Variants in CNTNAP2 observed in about 807,000 individuals in gnomAD.
The protein encoded by CNTNAP2 is contactin associated protein 2.
CNTNAP2 carries 98 observed loss-of-function variants against 155.2 expected under a neutral mutation model. That is an observed-to-expected ratio of 0.63 (90% CI 0.54 to 0.75). CNTNAP2 has a LOEUF of 0.75. Ranked by LOEUF, CNTNAP2 falls within the 30% of genes least tolerant of loss-of-function variation. The probability of loss-of-function intolerance (pLI) is 0.00; values close to 1 mark genes in which losing one functional copy is unlikely to be tolerated. For missense variants in CNTNAP2, 1,727 were observed against 1,688.1 expected, an observed-to-expected ratio of 1.02 and a Z score of -0.40; for synonymous variants, 651 against 631.2, an observed-to-expected ratio of 1.03 and a Z score of -0.47.
intron 3 of CNTNAP2, among the ~76,000 whole-genome samples, chr7:147,031,062 C>T (rs542220582): frequency 1.3e-5 from 2 of 152,196 alleles, no homozygotes; most frequent in African/African-American, 4.8e-5. Context: ...GTATCCATTT[C>T]TACCTCCAAA....
intron 4 of CNTNAP2, among the ~76,000 whole-genome samples, chr7:147,053,152 C>G (rs1245747892): frequency 6.6e-6 from 1 of 151,966 alleles, no homozygotes; most frequent in African/African-American, 2.4e-5. Context: ...TAGATACTTT[C>G]ACATAATTTG....
In CNTNAP2 at chr7:146,973,095, C is replaced by G. The variant is rs1391222609; in HGVS notation, c.403-70812C>G. ...TCAGGCTGGAGTGCAATGGCACGAT[C>G]CCAGCTCACTGCAACATCTGCCTCC... On this transcript the variant is annotated intron_variant, in intron 3 of 23. Coordinates refer to ENST00000361727, the MANE Select transcript of CNTNAP2 (RefSeq NM_014141.6). Among the ~76,000 whole-genome samples the G allele has an allele frequency of 2.0e-5, 3 of 152,146 alleles. No individual in the cohort carries two copies. The East Asian group carries it at 5.8e-4, about 29-fold the overall frequency.
At chr7:148,247,156 A>G (rs1796276224) in intron 20 of CNTNAP2, among the ~76,000 whole-genome samples, 2 of 152,224 alleles carry the variant, frequency 1.3e-5, no homozygotes, top group Admixed American at 6.5e-5. Context: ...TAATTTTAGA[A>G]TCAGATTGGT....
At chr7:147,363,572 T>C (rs1343932605) in intron 9 of CNTNAP2, among the ~76,000 whole-genome samples, 1 of 152,210 alleles carries the variant, frequency 6.6e-6, no homozygotes, top group Non-Finnish European at 1.5e-5. Flanking sequence ...ATACCTCAAA[T>C]TCATGGATCT....
At chr7:148,106,491 G>GAGATAGAT (rs1554472842) in intron 15 of CNTNAP2, among the ~76,000 whole-genome samples, 8 of 46,342 alleles carry the variant, frequency 1.7e-4, no homozygotes, top group African/African-American at 5.5e-4. Flanking sequence ...TGCACACTTT[G>GAGATAGAT]AGATATATAT....
At chr7:147,539,427 C>A (rs1419402458) in intron 11 of CNTNAP2, among the ~76,000 whole-genome samples, 1 of 152,144 alleles carries the variant, frequency 6.6e-6, no homozygotes, top group Non-Finnish European at 1.5e-5. Flanking sequence ...TCATCCAGAG[C>A]CAAACTATTT....
At chr7:146,461,413 A>T (rs201327815) in intron 1 of CNTNAP2, among the ~76,000 whole-genome samples, 2,908 of 149,014 alleles carry the variant, frequency 0.02, 67 homozygotes, top group African/African-American at 0.053. Flanking sequence ...TCAAAAAAAA[A>T]AAATATAATA....
At chr7:148,255,439 G>A (rs549457455) in intron 20 of CNTNAP2, among the ~76,000 whole-genome samples, 2 of 152,232 alleles carry the variant, frequency 1.3e-5, no homozygotes, top group South Asian at 2.1e-4. Flanking sequence ...CGTTTGCTTG[G>A]TTTCTTTTTA....
intron 13 of CNTNAP2, among the ~76,000 whole-genome samples, chr7:147,802,108 C>T (rs529429615): frequency 1.4e-5 from 2 of 146,938 alleles, no homozygotes; most frequent in South Asian, 2.2e-4. Context: ...ACGGGGCGGC[C>T]GGGCAGAGAC....
chr7:148,186,819 C>T (rs1057368547), intron 18 of CNTNAP2, among the ~76,000 whole-genome samples: 4 of 152,148 alleles, frequency 2.6e-5, no homozygotes, highest in African/African-American at 9.7e-5. Context: ...CTCAATGGCC[C>T]TTAAAACTAA....
At chr7:147,355,471 A>G (rs1796047260) in intron 9 of CNTNAP2, among the ~76,000 whole-genome samples, 1 of 152,126 alleles carries the variant, frequency 6.6e-6, no homozygotes, top group South Asian at 2.1e-4. Context: ...TACAGATACA[A>G]AAAACCTTTC....
chr7:148,109,734 T>TA (rs1300430282), intron 15 of CNTNAP2, among the ~76,000 whole-genome samples: 1 of 152,212 alleles, frequency 6.6e-6, no homozygotes, highest in African/African-American at 2.4e-5. Flanking sequence ...AACTCAAACT[T>TA]ACAAAGTTTT....
chr7:146,939,405 T>C (rs1796998368), intron 3 of CNTNAP2, among the ~76,000 whole-genome samples: 1 of 152,228 alleles, frequency 6.6e-6, no homozygotes, highest in Admixed American at 6.5e-5. Context: ...CTCTCATCCA[T>C]TTGTGAGCAA....
chr7:146,796,246 C>G (rs1334855349), intron 2 of CNTNAP2, among the ~76,000 whole-genome samples: 1 of 152,144 alleles, frequency 6.6e-6, no homozygotes, highest in Non-Finnish European at 1.5e-5. Flanking sequence ...TGTGCAGTAA[C>G]AGACAAACAC....
At position 146,117,014 on chromosome 7, in the gene CNTNAP2, G is replaced by A. The variant is rs759610282; in HGVS notation, c.97+41G>A. On this transcript the variant is annotated intron_variant, in intron 1 of 23. Coordinates refer to ENST00000361727, the MANE Select transcript of CNTNAP2 (RefSeq NM_014141.6). ...CTCGCTCTGCTCTGGAGCAGTTTCA[G>A]TGCGGCATTGATGTTTGGCACCAGG... 7.2e-5 allele frequency: 108 copies of A among 1,508,308 alleles called. 1 individual carries two copies. In the South Asian group the frequency reaches 1.2e-3, roughly 17 times the overall value. The allele number at this position is 1,508,308 out of a possible 1,614,324, so 93.4% of individuals were successfully genotyped here. A position where few individuals can be genotyped will look rare whatever the true frequency, so the allele number is the denominator to read the frequency against.
At chr7:147,987,576 A>G (rs1477196161) in intron 15 of CNTNAP2, among the ~76,000 whole-genome samples, 3 of 152,236 alleles carry the variant, frequency 2.0e-5, no homozygotes, top group Non-Finnish European at 4.4e-5. Context: ...ATTTATTCTG[A>G]GCCAAATATG....
chr7:146,812,986 G>A (rs1035895918), intron 2 of CNTNAP2, among the ~76,000 whole-genome samples: 2 of 152,146 alleles, frequency 1.3e-5, no homozygotes, highest in African/African-American at 4.8e-5. Flanking sequence ...TAATGTTGGT[G>A]CACAGAAGGC....
intron 1 of CNTNAP2, among the ~76,000 whole-genome samples, chr7:146,454,739 ATAGAT>A (rs991796342): frequency 6.6e-6 from 1 of 152,184 alleles, no homozygotes; most frequent in East Asian, 1.9e-4. Context: ...AGATAGATAG[ATAGAT>A]TAGATAGATA....
At chr7:146,826,812 AT>A (rs1340650033) in intron 2 of CNTNAP2, among the ~76,000 whole-genome samples, 2 of 150,406 alleles carry the variant, frequency 1.3e-5, no homozygotes, top group African/African-American at 2.5e-5. Flanking sequence ...CAATCAAATA[AT>A]TTTTAAGAAT....
Sources: gnomAD v4.1 joint callset for allele counts (sites outside exome capture counted in the v4.1 genomes callset) on GRCh38, gnomAD v4.1.1 for gene constraint, MANE v1.5 for transcripts, NCBI Gene and HGNC (gene_info 2026-07-23, HGNC 2026-07-21) for gene names.